Variants in LTF observed in about 807,000 individuals in gnomAD.
The protein encoded by LTF is epididymis luminal protein 110.
Under a neutral mutation model 87.2 loss-of-function variants are expected in LTF, and 91 were observed. The observed-to-expected ratio is 1.04, with a 90% CI of 0.88 to 1.24. The LOEUF (loss-of-function observed/expected upper bound fraction) is 1.24. Ranked by LOEUF, LTF falls within the 50% of genes most tolerant of loss-of-function variation. The pLI, the probability that LTF is intolerant of heterozygous loss-of-function variation, is 0.00. For synonymous variants in LTF, 378 were observed against 356.1 expected (o/e 1.06, Z -0.69); for missense variants, 901 against 904.3 (o/e 1.00, Z 0.05).
At chr3:46,454,480 G>A (rs765120280) in intron 5 of LTF, 120 bp from the exon 6 acceptor site, 21 of 896,818 alleles carry the variant, frequency 2.3e-5, no homozygotes, top group Non-Finnish European at 3.9e-5. Context: ...GCAGGGCTCT[G>A]AAGCTTTGGG....
At chr3:46,471,844 G>A (rs1055401186) in intron 1 of LTF, among the ~76,000 whole-genome samples, 4 of 152,206 alleles carry the variant, frequency 2.6e-5, no homozygotes, top group African/African-American at 4.8e-5. Context: ...CAAGGGCACC[G>A]GGAGAGTATC....
At chr3:46,457,881 G>A (rs1334004741) in intron 2 of LTF, among the ~76,000 whole-genome samples, 2 of 151,984 alleles carry the variant, frequency 1.3e-5, no homozygotes, top group Non-Finnish European at 2.9e-5. Context: ...GGGTTAAAGC[G>A]ATTCTCTTGC....
chr3:46,468,148 C>T (rs1559610317), upstream of LTF: 1 of 455,432 alleles, frequency 2.2e-6, no homozygotes, highest in Non-Finnish European at 4.4e-6. Context: ...AAGAAAGGGA[C>T]AAAGGATCCT....
chr3:46,451,895 A>G (rs1702812621), intron 6 of LTF, among the ~76,000 whole-genome samples: 1 of 152,244 alleles, frequency 6.6e-6, no homozygotes, highest in Non-Finnish European at 1.5e-5. Flanking sequence ...ACGCCTGGCC[A>G]TAAGTTATTG....
chr3:46,450,013 C>T lies in LTF; in HGVS notation c.898G>A (p.Asp300Asn). 1 of 1,591,032 alleles carries T rather than the reference C, an allele frequency of 6.3e-7. No individual in the cohort carries two copies. The highest frequency in any genetic ancestry group is 8.5e-7 in the Non-Finnish European group (1 of 1,170,768). Residue 300 changes from aspartate to asparagine, a missense_variant, in exon 8 of 17, where the codon GAC becomes AAC. Physicochemically the swap from Asp to Asn is conservative, Grantham distance 23. Transcript: ENST00000231751. ...AAGAGCTGGAATTTCGGTGACTTGT[C>T]CTTTCCAAACTTTTCCTAATTAAGA... ...LRQAQEKFGK[D>N]KSPKFQLFGS...
chr3:46,446,541 T>C, intron 10 of LTF, 48 bp from the exon 11 acceptor site: 1 of 1,521,874 alleles, frequency 6.6e-7, no homozygotes, highest in South Asian at 1.1e-5. Flanking sequence ...TCAGATGTAG[T>C]GAGAAGCCAC....
intron 1 of LTF, among the ~76,000 whole-genome samples, chr3:46,482,553 G>A (rs13090620): frequency 0.12 from 7,706 of 64,676 alleles, 2,264 homozygotes; most frequent in East Asian, 0.26. Flanking sequence ...GGGAAGGGAA[G>A]GGAAGGGAAG....
chr3:46,467,093 G>C (rs1703226403), upstream of LTF, among the ~76,000 whole-genome samples: 1 of 152,196 alleles, frequency 6.6e-6, no homozygotes, highest in South Asian at 2.1e-4. Flanking sequence ...CAGCCCCAGG[G>C]CAGGGATGTG....
chr3:46,479,820 G>T (rs971760553), intron 1 of LTF, among the ~76,000 whole-genome samples: 1 of 152,188 alleles, frequency 6.6e-6, no homozygotes, highest in Non-Finnish European at 1.5e-5. Flanking sequence ...GAGCCACTGC[G>T]CCCGGCCAGA....
At chr3:46,446,346 G>A (rs939281454) in intron 11 of LTF, 94 bp downstream of exon 11, 1 of 997,716 alleles carries the variant, frequency 1.0e-6, no homozygotes. Flanking sequence ...TTCTAGGGCT[G>A]CAATTCTTTC....
chr3:46,476,305 C>A (rs1352406227), intron 1 of LTF, among the ~76,000 whole-genome samples: 1 of 152,156 alleles, frequency 6.6e-6, no homozygotes, highest in Non-Finnish European at 1.5e-5. Flanking sequence ...TATCTATTTG[C>A]TGTTGGCTTT....
intron 10 of LTF, among the ~76,000 whole-genome samples, chr3:46,446,767 C>T (rs1043771337): frequency 2.6e-5 from 4 of 152,204 alleles, no homozygotes; most frequent in African/African-American, 4.8e-5. Flanking sequence ...CGAGACTGAA[C>T]AGTCTACAAC....
rs764155117 is a variant in LTF, at chr3:46,464,813, A to C, written c.43+12T>G. 2 of 1,614,068 alleles carry C rather than the reference A, an allele frequency of 1.2e-6. No homozygotes were observed. The highest frequency in any genetic ancestry group is 2.2e-5 in the South Asian group (2 of 91,072). On this transcript the variant is annotated intron_variant, in intron 1 of 16. Coordinates refer to ENST00000231751, the MANE Select transcript of LTF (RefSeq NM_002343.6). The stretch of plus-strand genomic sequence containing the variant: ...CATCAGGCGGCTCGCGCCCCCAGGC[A>C]CCTGCACTCACCGAGGGCCCCGAGG...
chr3:46,456,787 A>G (rs1296262520), intron 2 of LTF, among the ~76,000 whole-genome samples: 1 of 152,256 alleles, frequency 6.6e-6, no homozygotes, highest in Non-Finnish European at 1.5e-5. Context: ...TAAAATTTTC[A>G]TAAGAAACCA....
chr3:46,439,356 A>G lies in LTF; in HGVS notation c.1848T>C (p.His616=), dbSNP rs1324198579. The change falls in exon 15 of 17, where the codon CAT becomes CAC. Residue 616 remains histidine, a synonymous_variant. Coordinates refer to ENST00000231751, the MANE Select transcript of LTF (RefSeq NM_002343.6). The part of the protein sequence containing the change: ...RSCHLAMAPN[H]AVVSRMDKVE... The stretch of plus-strand genomic sequence containing the variant: ...CCTTATCCATCCGAGACACCACGGC[A>G]TGATTCGGGGCCATGGCAAGATGGC... 1.2e-6 allele frequency: 2 copies of G among 1,614,102 alleles called. No individual in the cohort carries two copies. Among genetic ancestry groups the G allele is most frequent in the African/African-American group, 1.3e-5 (1 of 74,944 alleles).
At chr3:46,482,663 G>GCAAGAAAGAAA (rs1559614838) in intron 1 of LTF, among the ~76,000 whole-genome samples, 1 of 27,100 alleles carries the variant, frequency 3.7e-5, no homozygotes, top group Non-Finnish European at 7.4e-5. Flanking sequence ...AAAGAAAGAA[G>GCAAGAAAGAAA]GAAGGAAGGA....
chr3:46,472,527 T>TGTGTGTGTGAGA (rs1402389714), intron 1 of LTF, among the ~76,000 whole-genome samples: 13 of 130,822 alleles, frequency 9.9e-5, no homozygotes, highest in East Asian at 4.6e-4. Context: ...TGTGTGTGTG[T>TGTGTGTGTGAGA]GAGAGAGAGA....
rs372169086 is a variant in LTF at position 46,438,050 on chromosome 3, T to C, written c.1988A>G (p.Asn663Ser). The C allele has an allele frequency of 6.2e-7, 1 of 1,614,016 alleles. No homozygotes were observed. The highest frequency in any genetic ancestry group is 8.5e-7 in the Non-Finnish European group (1 of 1,180,002). Residue 663 changes from asparagine to serine, a missense_variant, in exon 16 of 17, where the codon AAT becomes AGT. Asn to Ser is a conservative substitution (Grantham distance 46). Transcript: ENST00000231751. ...FQSETKNLLF[N>S]DNTECLARLH... is the part of the protein sequence containing the mutation. The stretch of plus-strand genomic sequence containing the variant: ...TCTGGCCAGACACTCAGTGTTGTCA[T>C]TGAACAGAAGGTTTTTGGTTTCAGA...
At chr3:46,484,162 G>A (rs898656358) in intron 1 of LTF, among the ~76,000 whole-genome samples, 2 of 152,138 alleles carry the variant, frequency 1.3e-5, no homozygotes, top group African/African-American at 2.4e-5. Context: ...GGGAGGGGTC[G>A]GAGAAGACAA....
Sources: allele counts gnomAD v4.1 joint callset (sites outside exome capture counted in the v4.1 genomes callset), GRCh38; gene constraint gnomAD v4.1.1; transcripts MANE v1.5; gene names NCBI Gene and HGNC (gene_info 2026-07-23, HGNC 2026-07-21).